The following VWC2 variants were observed in gnomAD, a reference collection of about 807,000 sequenced individuals.
The protein encoded by VWC2 is brorin.
VWC2 carries 14 observed loss-of-function variants against 29.8 expected under a neutral mutation model. The observed-to-expected ratio is 0.47, with a 90% CI of 0.31 to 0.74. The LOEUF is 0.74. Among genes scored for constraint, VWC2 ranks in the 30% least tolerant of loss-of-function variants. The pLI is 0.05. For missense variants in VWC2, 457 were observed against 459.8 expected, an observed-to-expected ratio of 0.99 and a Z score of 0.05; for synonymous variants, 213 against 199.0, an observed-to-expected ratio of 1.07 and a Z score of -0.59.
chr7:49,869,455 G>A (rs1583714324), intron 3 of VWC2, among the ~76,000 whole-genome samples: 1 of 152,124 alleles, frequency 6.6e-6, no homozygotes, highest in Non-Finnish European at 1.5e-5. Flanking sequence ...GTAGCAAATC[G>A]GATATAGGGA....
At chr7:49,911,661 C>A (rs1490689187) in intron 3 of VWC2, among the ~76,000 whole-genome samples, 2 of 151,780 alleles carry the variant, frequency 1.3e-5, no homozygotes, top group Non-Finnish European at 2.9e-5. Context: ...CTTTGGGAAG[C>A]CAAGGTGGGT....
At chr7:49,868,680 C>T (rs997320319) in intron 3 of VWC2, among the ~76,000 whole-genome samples, 6 of 152,210 alleles carry the variant, frequency 3.9e-5, no homozygotes, top group Non-Finnish European at 4.4e-5. Flanking sequence ...TGCAATGGCA[C>T]GATCTTGGCT....
intron 2 of VWC2, among the ~76,000 whole-genome samples, chr7:49,782,320 A>T (rs974732543): frequency 6.6e-6 from 1 of 152,128 alleles, no homozygotes; most frequent in African/African-American, 2.4e-5. Flanking sequence ...TCACCTTAGA[A>T]AATTAGTGCC....
At chr7:49,802,994 A>G (rs1460890691) in intron 3 of VWC2, among the ~76,000 whole-genome samples, 154 bp downstream of exon 3, 2 of 152,204 alleles carry the variant, frequency 1.3e-5, no homozygotes, top group Admixed American at 1.3e-4. Flanking sequence ...TTTCAGCCAC[A>G]GTGGTTCTGT....
intron 3 of VWC2, among the ~76,000 whole-genome samples, chr7:49,852,299 C>T (rs901430468): frequency 1.3e-5 from 2 of 152,304 alleles, no homozygotes; most frequent in East Asian, 1.9e-4. Context: ...CTGTGCTCTT[C>T]AAGGACCAAG....
chr7:49,846,440 CAT>C (rs1480607418), intron 3 of VWC2, among the ~76,000 whole-genome samples: 3 of 152,178 alleles, frequency 2.0e-5, no homozygotes, highest in African/African-American at 7.2e-5. Context: ...TGCAGAACAA[CAT>C]AAAGTTCTCC....
intron 2 of VWC2, among the ~76,000 whole-genome samples, chr7:49,801,129 G>A (rs1466940560): frequency 6.6e-6 from 1 of 152,192 alleles, no homozygotes; most frequent in Non-Finnish European, 1.5e-5. Context: ...TTAAACTCCA[G>A]TTGAGCTTTT....
intron 3 of VWC2, among the ~76,000 whole-genome samples, chr7:49,838,259 A>G (rs1247198356): frequency 2.0e-5 from 3 of 152,242 alleles, no homozygotes; most frequent in Admixed American, 2.0e-4. Flanking sequence ...AAAATGCTCT[A>G]TGGATGTGAG....
At position 49,775,406 on chromosome 7, in the gene VWC2, G is replaced by GCCCCC; in HGVS notation, c.-27_-26insCCCCC. The GCCCCC allele has an allele frequency of 2.6e-6, 2 of 783,842 alleles. No individual in the cohort carries two copies. Among genetic ancestry groups the GCCCCC allele is most frequent in the Non-Finnish European group, 3.3e-6 (2 of 610,102 alleles). 48.6% of individuals were successfully genotyped at this position (783,842 alleles called of 1,614,324 possible). On this transcript the variant is annotated 5_prime_UTR_variant, in exon 2 of 4. The change abolishes the stop of an existing upstream ORF in the 5' untranslated region. Coordinates refer to ENST00000340652, the MANE Select transcript of VWC2 (RefSeq NM_198570.5). ...GACTCGCCCCTCGGCCGCGCTCCCC[G>GCCCCC]CCCGCCCGCCCGCCGGGACGTGGTA... is the stretch of plus-strand genomic sequence containing the variant.
Position 49,915,426 on chromosome 7 carries a change from G to A in VWC2, c.*3241G>A, listed in dbSNP as rs986509448. ...AAAACATGCTAAGAAGAATTATCAT[G>A]CAGTTTTAAGTTCATAACATCAATA... On this transcript the variant is annotated 3_prime_UTR_variant, in exon 4 of 4. Coordinates refer to ENST00000340652, the MANE Select transcript of VWC2 (RefSeq NM_198570.5). 4 of 152,280 alleles carry A rather than the reference G, an allele frequency of 2.6e-5. No individual in the cohort carries two copies. The highest frequency in any genetic ancestry group is 5.9e-5 in the Non-Finnish European group (4 of 68,014). The allele number at this position is 152,280 out of a possible 1,614,324, so 9.4% of individuals were successfully genotyped here. A position where few individuals can be genotyped will look rare whatever the true frequency, so the allele number is the denominator to read the frequency against.
chr7:49,803,286 C>A (rs188648080), intron 3 of VWC2, among the ~76,000 whole-genome samples: 5 of 152,140 alleles, frequency 3.3e-5, no homozygotes, highest in African/African-American at 1.2e-4. Context: ...CCAGTGAGAG[C>A]CCCTGGTAGA....
chr7:49,785,120 A>G (rs1788266286), intron 2 of VWC2, among the ~76,000 whole-genome samples: 1 of 152,262 alleles, frequency 6.6e-6, no homozygotes. Flanking sequence ...TGAATGATAC[A>G]TTTAATGAAT....
At chr7:49,861,842 C>G (rs1790662733) in intron 3 of VWC2, among the ~76,000 whole-genome samples, 1 of 152,140 alleles carries the variant, frequency 6.6e-6, no homozygotes, top group Admixed American at 6.5e-5. Context: ...GAATTTTATT[C>G]TATTGTTTAT....
chr7:49,836,342 G>A lies in VWC2; in HGVS notation c.826+33502G>A, dbSNP rs570164287. ...AATGATATTTAAAATCTATACTTAAGTGTGGACTGGGCATGGTGACTCAGG... is the reference window on the plus strand; with the variant it reads ...AATGATATTTAAAATCTATACTTAAATGTGGACTGGGCATGGTGACTCAGG... On this transcript the variant is annotated intron_variant, in intron 3 of 3. Transcript: ENST00000340652. Among the ~76,000 whole-genome samples, 16 of 151,880 alleles carry A rather than the reference G, an allele frequency of 1.1e-4. 1 individual carries two copies. In the East Asian group the frequency reaches 2.9e-3, roughly 27 times the overall value.
chr7:49,863,003 C>T (rs1316786661), intron 3 of VWC2, among the ~76,000 whole-genome samples: 1 of 152,024 alleles, frequency 6.6e-6, no homozygotes, highest in African/African-American at 2.4e-5. Flanking sequence ...TGTATTCCTC[C>T]CTCTTCTATT....
At chr7:49,873,083 A>G (rs966862367) in intron 3 of VWC2, among the ~76,000 whole-genome samples, 1 of 152,178 alleles carries the variant, frequency 6.6e-6, no homozygotes, top group African/African-American at 2.4e-5. Context: ...AGTAGTTTTC[A>G]GGGAACTGCA....
intron 3 of VWC2, among the ~76,000 whole-genome samples, chr7:49,813,518 T>C (rs1789060989): frequency 6.6e-6 from 1 of 152,216 alleles, no homozygotes; most frequent in Admixed American, 6.5e-5. Context: ...ACTCACTTGT[T>C]CATATTATTC....
intron 3 of VWC2, among the ~76,000 whole-genome samples, chr7:49,880,719 T>C (rs894285478): frequency 2.6e-5 from 4 of 152,050 alleles, no homozygotes. Context: ...CATTAGGAGA[T>C]ACACCTAATG....
At chr7:49,815,415 A>G (rs1240722654) in intron 3 of VWC2, among the ~76,000 whole-genome samples, 2 of 152,234 alleles carry the variant, frequency 1.3e-5, no homozygotes, top group African/African-American at 4.8e-5. Context: ...TGACTCTGAT[A>G]CATATCACCA....
Sources: gnomAD v4.1 joint callset for allele counts (sites outside exome capture counted in the v4.1 genomes callset) on GRCh38, gnomAD v4.1.1 for gene constraint, MANE v1.5 for transcripts, NCBI Gene and HGNC (gene_info 2026-07-23, HGNC 2026-07-21) for gene names.